B4GALT6: variants seen among roughly 807,000 people sequenced by gnomAD.
The protein encoded by B4GALT6 is beta-1,4-galactosyltransferase 6, also known as UDP-Gal:beta-GlcNAc beta-1,4-galactosyltransferase 6.
Under a neutral mutation model 46.3 loss-of-function variants are expected in B4GALT6, and 14 were observed. That is an observed-to-expected ratio of 0.30 (90% CI 0.20 to 0.47). The LOEUF is 0.47. Ranked by LOEUF, B4GALT6 falls within the 20% of genes least tolerant of loss-of-function variation. B4GALT6 has a pLI of 0.99. For synonymous variants in B4GALT6, 168 were observed against 162.0 expected (o/e 1.04, Z -0.28); for missense variants, 386 against 480.1 (o/e 0.80, Z 1.83).
chr18:31,644,055 G>A (rs1177886594), intron 4 of B4GALT6, among the ~76,000 whole-genome samples: 1 of 152,166 alleles, frequency 6.6e-6, no homozygotes, highest in African/African-American at 2.4e-5. Context: ...CAAATGTGAG[G>A]AAAATCAATC....
chr18:31,685,267 G>C (rs968473362), upstream of B4GALT6, among the ~76,000 whole-genome samples: 4 of 149,922 alleles, frequency 2.7e-5, no homozygotes, highest in African/African-American at 9.7e-5. Flanking sequence ...CCGGGCCCGC[G>C]GACACCAGGC....
rs869030382 is a variant in B4GALT6 at position 31,629,447 on chromosome 18, A to ATTTTTTTTTTTTTTT, written c.776+1497_776+1511dup. On this transcript the variant is annotated intron_variant, in intron 6 of 8. Transcript: ENST00000306851. ...ATTCTTAGTTTATATGCCCTTTATGATTTTTTTTTTTTTTTTTTTTTTTTT... is the reference window on the plus strand; with the variant it reads ...ATTCTTAGTTTATATGCCCTTTATGATTTTTTTTTTTTTTTTTTTTTTTTTTTTTTTTTTTTTTTT... Among the ~76,000 whole-genome samples the ATTTTTTTTTTTTTTT allele has an allele frequency of 2.1e-4, 7 of 32,882 alleles. 2 individuals carry two copies. Among genetic ancestry groups the ATTTTTTTTTTTTTTT allele is most frequent in the Admixed American group, 5.5e-4 (1 of 1,806 alleles). The allele number at this position is 32,882 out of a possible 152,430, so 21.6% of individuals were successfully genotyped here.
chr18:31,663,855 T>A (rs1211679117), intron 2 of B4GALT6, among the ~76,000 whole-genome samples: 1 of 152,210 alleles, frequency 6.6e-6, no homozygotes, highest in African/African-American at 2.4e-5. Context: ...TCTGGTTAAA[T>A]ATACTAACTA....
chr18:31,652,781 C>G (rs2074089049), intron 3 of B4GALT6, among the ~76,000 whole-genome samples: 1 of 152,044 alleles, frequency 6.6e-6, no homozygotes, highest in African/African-American at 2.4e-5. Flanking sequence ...TTTTTTGTGC[C>G]TTCTCCTCTC....
chr18:31,716,960 C>T, the B4GALT6 span, among the ~76,000 whole-genome samples: 4 of 151,720 alleles, frequency 2.6e-5, no homozygotes, highest in African/African-American at 4.8e-5. Context: ...ATTAGCCGAG[C>T]GTGTGGTGGG....
At chr18:31,638,600 T>C (rs750694460) in intron 5 of B4GALT6, 44 bp downstream of exon 5, 32 of 1,400,102 alleles carry the variant, frequency 2.3e-5, no homozygotes, top group Non-Finnish European at 3.0e-5. Flanking sequence ...TCTAAGAGTT[T>C]AGATTCTAGT....
intron 2 of B4GALT6, among the ~76,000 whole-genome samples, chr18:31,659,949 CTTT>C (rs35690268): frequency 2.2e-4 from 27 of 122,706 alleles, no homozygotes; most frequent in African/African-American, 4.9e-4. Flanking sequence ...GATTCTTTTC[CTTT>C]TTTTTTTTTT....
chr18:31,657,915 GT>G (rs2074161453), intron 3 of B4GALT6, 60 bp downstream of exon 3: 6 of 1,376,624 alleles, frequency 4.4e-6, no homozygotes, highest in African/African-American at 1.4e-5. Context: ...AAATCATGTG[GT>G]TTTTATGACT....
upstream of B4GALT6, among the ~76,000 whole-genome samples, chr18:31,688,258 T>TATATATATATATATAC (rs1555643341): frequency 6.7e-6 from 1 of 148,598 alleles, no homozygotes; most frequent in African/African-American, 2.5e-5. Flanking sequence ...TATATATATA[T>TATATATATATATATAC]ACATATATAT....
intron 3 of B4GALT6, among the ~76,000 whole-genome samples, chr18:31,646,859 A>G (rs1229871891): frequency 6.6e-6 from 1 of 152,244 alleles, no homozygotes; most frequent in Non-Finnish European, 1.5e-5. Flanking sequence ...AGAATAAGTT[A>G]GAAAAAGAAT....
chr18:31,686,038 G>T (rs35271356), upstream of B4GALT6: 14,538 of 152,290 alleles, frequency 0.095, 914 homozygotes, highest in Middle Eastern at 0.16. Context: ...CAAACGGACG[G>T]GTGTCTTCAT....
intron 7 of B4GALT6, 67 bp from the exon 8 acceptor site, chr18:31,626,451 A>G: frequency 1.1e-6 from 1 of 893,192 alleles, no homozygotes; most frequent in Non-Finnish European, 1.7e-6. Context: ...ATGTGAGTTC[A>G]ATTTTAAAAC....
At chr18:31,719,641 A>G in the B4GALT6 span, among the ~76,000 whole-genome samples, 1 of 152,188 alleles carries the variant, frequency 6.6e-6, no homozygotes, top group African/African-American at 2.4e-5. Context: ...GAGTTTTATT[A>G]TTACTGAAAT....
At chr18:31,673,876 T>C (rs964864189) in intron 1 of B4GALT6, among the ~76,000 whole-genome samples, 9 of 151,982 alleles carry the variant, frequency 5.9e-5, no homozygotes, top group African/African-American at 2.2e-4. Flanking sequence ...CTAAATCTAA[T>C]GGCAAGTACT....
At chr18:31,717,828 C>T in the B4GALT6 span, among the ~76,000 whole-genome samples, 7 of 152,072 alleles carry the variant, frequency 4.6e-5, no homozygotes, top group Middle Eastern at 3.4e-3. Flanking sequence ...GTGGCACATG[C>T]CTGTAATCCC....
intron 4 of B4GALT6, among the ~76,000 whole-genome samples, chr18:31,639,915 C>G (rs923102984): frequency 6.6e-6 from 1 of 152,128 alleles, no homozygotes; most frequent in Non-Finnish European, 1.5e-5. Context: ...GTCATACAAT[C>G]TAGATCTCCT....
intron 1 of B4GALT6, among the ~76,000 whole-genome samples, chr18:31,678,661 C>A (rs1421580828): frequency 6.6e-6 from 1 of 152,174 alleles, no homozygotes; most frequent in African/African-American, 2.4e-5. Context: ...GCCCTACTGG[C>A]AAGGGGTCAG....
At chr18:31,694,144 A>C in the B4GALT6 span, among the ~76,000 whole-genome samples, 2 of 152,318 alleles carry the variant, frequency 1.3e-5, no homozygotes, top group South Asian at 4.1e-4. Flanking sequence ...AAGAGACAAT[A>C]CCCTTACCAT....
intron 3 of B4GALT6, among the ~76,000 whole-genome samples, chr18:31,647,480 C>T (rs1452540771): frequency 6.6e-6 from 1 of 152,124 alleles, no homozygotes; most frequent in East Asian, 1.9e-4. Context: ...CTCCCCCACC[C>T]CATCCACACC....
Sources: allele counts gnomAD v4.1 joint callset (sites outside exome capture counted in the v4.1 genomes callset), GRCh38; gene constraint gnomAD v4.1.1; transcripts MANE v1.5; gene names NCBI Gene and HGNC (gene_info 2026-07-23, HGNC 2026-07-21).